SCN7A: variants seen among roughly 807,000 people sequenced by gnomAD.
The protein encoded by SCN7A is sodium voltage-gated channel alpha subunit 7, also known as sodium channel protein type 7 subunit alpha.
A neutral mutation model predicts 155.2 loss-of-function variants in SCN7A; 138 were observed. That is an observed-to-expected ratio of 0.89 (90% CI 0.77 to 1.02). The LOEUF (loss-of-function observed/expected upper bound fraction) is 1.02, where lower values mean the gene tolerates loss of function less well. Among genes scored for constraint, SCN7A ranks in the 50% least tolerant of loss-of-function variants. The pLI, the probability that SCN7A is intolerant of heterozygous loss-of-function variation, is 0.00. For missense variants in SCN7A, 2,058 were observed against 1,986.6 expected (o/e 1.04, Z -0.68); for synonymous variants, 693 against 649.0 (o/e 1.07, Z -1.03).
In SCN7A at chr2:166,456,992, A is replaced by G. The variant is rs903881035; in HGVS notation, c.1168T>C (p.Leu390=). 6.2e-7 allele frequency: 1 copy of G among 1,609,798 alleles called. No homozygotes were observed. Among genetic ancestry groups the G allele is most frequent in the African/African-American group, 1.3e-5 (1 of 74,974 alleles). The change falls in exon 11 of 26, where the codon TTA becomes CTA. Residue 390 remains leucine, a synonymous_variant. Coordinates refer to ENST00000643258, the MANE Select transcript of SCN7A (RefSeq NM_002976.4). ...LFSFYMASLF[L]GILAMAYEEE... ...TCATAGGCCATGGCAAGTATGCCTA[A>G]GAACAAACTTGCCATATAAAAGGAA...
chr2:166,407,548 C>T (rs1701101535), intron 25 of SCN7A, among the ~76,000 whole-genome samples: 1 of 151,874 alleles, frequency 6.6e-6, no homozygotes, highest in South Asian at 2.1e-4. Flanking sequence ...ATGTTCTATC[C>T]TATCAATACC....
chr2:166,477,509 G>A lies in SCN7A; in HGVS notation c.188C>T (p.Ser63Leu), dbSNP rs748279832. The A allele has an allele frequency of 1.3e-6, 2 of 1,555,354 alleles. No individual in the cohort carries two copies. The highest frequency in any genetic ancestry group is 2.4e-5 in the East Asian group (1 of 41,694). ...TGGGTCCACATCTTCCAAGGGCTCTGACACCATTCCTTGAGAAAGGTTTCC... is the reference window on the plus strand; with the variant it reads ...TGGGTCCACATCTTCCAAGGGCTCTAACACCATTCCTTGAGAAAGGTTTCC... ...IYGNLSQGMV[S>L]EPLEDVDPYY... The change falls in exon 3 of 26, where the codon TCA becomes TTA. Residue 63 changes from serine (S) to leucine (L), a missense_variant. Physicochemically the swap from Ser to Leu is moderately radical, Grantham distance 145. Coordinates refer to ENST00000643258, the MANE Select transcript of SCN7A (RefSeq NM_002976.4).
chr2:166,461,110 T>G (rs746639816), intron 10 of SCN7A, among the ~76,000 whole-genome samples: 1 of 150,774 alleles, frequency 6.6e-6, no homozygotes, highest in Non-Finnish European at 1.5e-5. Context: ...ATGTTTGGTC[T>G]ATTTGATTTC....
chr2:166,415,239 T>C (rs1350492896), intron 21 of SCN7A, among the ~76,000 whole-genome samples: 6 of 147,614 alleles, frequency 4.1e-5, no homozygotes, highest in Non-Finnish European at 9.0e-5. Flanking sequence ...TTTTTTTTTT[T>C]CTTTGAGAGA....
chr2:166,460,552 T>C (rs753044022), intron 10 of SCN7A, among the ~76,000 whole-genome samples: 2 of 152,084 alleles, frequency 1.3e-5, no homozygotes, highest in Non-Finnish European at 2.9e-5. Context: ...TAGTGAACCA[T>C]AGCATTCCAG....
chr2:166,458,995 A>C (rs1473932262), intron 10 of SCN7A, among the ~76,000 whole-genome samples: 1 of 152,216 alleles, frequency 6.6e-6, no homozygotes, highest in Non-Finnish European at 1.5e-5. Context: ...TGTAGGTCAT[A>C]TGCAAATTCA....
rs752984011 is a variant in SCN7A at position 166,457,069 on chromosome 2, T to A, written c.1091A>T (p.Tyr364Phe). The change falls in exon 11 of 26, where the codon TAT (tyrosine) becomes TTT (phenylalanine). Residue 364 changes from tyrosine to phenylalanine, a missense_variant. Transcript: ENST00000643258. ...YPEVLYHQIL[Y>F]ASGKVYMIFF... ...TATCATGTAGACCTTCCCAGAAGCA[T>A]AAAGTATCTAAGGAAAGGTAGAAAG... 4 of 1,601,068 alleles carry A rather than the reference T, an allele frequency of 2.5e-6. No individual in the cohort carries two copies. Among genetic ancestry groups the A allele is most frequent in the South Asian group, 1.1e-5 (1 of 89,516 alleles).
At chr2:166,450,824 T>G (rs1414537810) in intron 11 of SCN7A, among the ~76,000 whole-genome samples, 1 of 152,160 alleles carries the variant, frequency 6.6e-6, no homozygotes, top group Non-Finnish European at 1.5e-5. Context: ...GTTAGATTTT[T>G]TTTGTTTGTT....
intron 9 of SCN7A, among the ~76,000 whole-genome samples, chr2:166,464,578 T>C (rs1702486171): frequency 6.6e-6 from 1 of 152,166 alleles, no homozygotes; most frequent in Non-Finnish European, 1.5e-5. Context: ...CATAAAAACA[T>C]ATAAGAGATT....
At chr2:166,446,944 G>A (rs1166147614) in intron 12 of SCN7A, among the ~76,000 whole-genome samples, 2 of 152,134 alleles carry the variant, frequency 1.3e-5, no homozygotes, top group Non-Finnish European at 2.9e-5. Flanking sequence ...AGACCTGGAT[G>A]ATGGGTTGAT....
chr2:166,418,912 T>G (rs1701448561), intron 20 of SCN7A, among the ~76,000 whole-genome samples: 1 of 152,206 alleles, frequency 6.6e-6, no homozygotes, highest in Non-Finnish European at 1.5e-5. Flanking sequence ...TTTACAGAAC[T>G]TCCAGAGGTG....
At chr2:166,450,675 T>C (rs2105452148) in intron 11 of SCN7A, among the ~76,000 whole-genome samples, 1 of 152,036 alleles carries the variant, frequency 6.6e-6, no homozygotes, top group South Asian at 2.1e-4. Flanking sequence ...GCGCCTATAG[T>C]CCCAGCTACT....
chr2:166,490,959 A>G (rs1010593593), intron 1 of SCN7A, among the ~76,000 whole-genome samples: 5 of 152,152 alleles, frequency 3.3e-5, no homozygotes, highest in Non-Finnish European at 5.9e-5. Flanking sequence ...TGAGTTGGGC[A>G]AAAAATGTCC....
intron 1 of SCN7A, among the ~76,000 whole-genome samples, chr2:166,493,069 A>G (rs1438414430): frequency 2.6e-5 from 4 of 152,186 alleles, no homozygotes; most frequent in Non-Finnish European, 2.9e-5. Context: ...TCTTTAATTA[A>G]GGCTAGTCAT....
intron 20 of SCN7A, 101 bp downstream of exon 20, chr2:166,421,089 G>A (rs1466145519): frequency 9.6e-6 from 7 of 727,574 alleles, no homozygotes; most frequent in Non-Finnish European, 1.4e-5. Flanking sequence ...TATTAATACT[G>A]TTAAAGGTAC....
At chr2:166,461,048 CTTTTTT>C (rs34717897) in intron 10 of SCN7A, among the ~76,000 whole-genome samples, 20 of 96,672 alleles carry the variant, frequency 2.1e-4, no homozygotes, top group South Asian at 7.3e-4. Context: ...GTAATATTTT[CTTTTTT>C]TTTTTTTTTT....
At chr2:166,467,136 T>G (rs573926559) in intron 7 of SCN7A, among the ~76,000 whole-genome samples, 1 of 151,884 alleles carries the variant, frequency 6.6e-6, no homozygotes, top group East Asian at 1.9e-4. Flanking sequence ...TCAAATATAC[T>G]ACAGTGGTTT....
intron 2 of SCN7A, among the ~76,000 whole-genome samples, chr2:166,484,266 G>A (rs893581804): frequency 1.3e-5 from 2 of 151,634 alleles, no homozygotes; most frequent in African/African-American, 4.8e-5. Context: ...TGGGTTTGAG[G>A]CACATCTGAA....
At chr2:166,457,139 A>G (rs1015746034) in intron 10 of SCN7A, 63 bp from the exon 11 acceptor site, 7 of 1,250,956 alleles carry the variant, frequency 5.6e-6, no homozygotes, top group African/African-American at 1.5e-5. Flanking sequence ...GGATTCTCCT[A>G]TTTTAAAATA....
Sources: gnomAD v4.1 joint callset for allele counts (sites outside exome capture counted in the v4.1 genomes callset) on GRCh38, gnomAD v4.1.1 for gene constraint, MANE v1.5 for transcripts, NCBI Gene and HGNC (gene_info 2026-07-23, HGNC 2026-07-21) for gene names.